The following VTCN1 variants were observed in gnomAD, a reference collection of about 807,000 sequenced individuals.
VTCN1 encodes the protein V-set domain containing T cell activation inhibitor 1.
VTCN1 carries 26 observed loss-of-function variants against 26.5 expected under a neutral mutation model. The ratio of observed to expected loss-of-function variants is 0.98; its 90% CI spans 0.72 to 1.36. VTCN1 has a LOEUF of 1.36. VTCN1 is among the 40% of genes most tolerant of loss of function. The pLI is 0.00. For synonymous variants in VTCN1, 116 were observed against 130.7 expected, an observed-to-expected ratio of 0.89 and a Z score of 0.77; for missense variants, 298 against 337.7, an observed-to-expected ratio of 0.88 and a Z score of 0.92.
chr1:117,188,148 G>A (rs1423894205), intron 1 of VTCN1, among the ~76,000 whole-genome samples: 1 of 152,182 alleles, frequency 6.6e-6, no homozygotes, highest in African/African-American at 2.4e-5. Flanking sequence ...ATGGGGTAAG[G>A]TGGGGAACAC....
At position 117,156,830 on chromosome 1, in the gene VTCN1, T is replaced by C; in HGVS notation, c.189A>G (p.Lys63=). The part of the protein sequence containing the change: ...ILSCTFEPDI[K]LSDIVIQWLK... ...GCCATTGTATCACGATATCAGAAAG[T>C]TTGATGTCAGGTTCAAAAGTGCAGC... Residue 63 remains lysine, a synonymous_variant, in exon 3 of 6, where the codon AAA becomes AAG. Transcript: ENST00000369458. 1 of 1,613,958 alleles carries C rather than the reference T, an allele frequency of 6.2e-7. No individual in the cohort carries two copies. Among genetic ancestry groups the C allele is most frequent in the Non-Finnish European group, 8.5e-7 (1 of 1,180,002 alleles).
chr1:117,152,560 G>A (rs1233230939), intron 4 of VTCN1, among the ~76,000 whole-genome samples: 1 of 152,100 alleles, frequency 6.6e-6, no homozygotes, highest in African/African-American at 2.4e-5. Flanking sequence ...TCCATCTAGG[G>A]GTTTCAGATT....
chr1:117,203,773 G>T (rs746022613), intron 1 of VTCN1: 3 of 985,414 alleles, frequency 3.0e-6, no homozygotes, highest in Non-Finnish European at 3.6e-6. Flanking sequence ...AGGAATCAGG[G>T]AGCACAGAGC....
intron 1 of VTCN1, among the ~76,000 whole-genome samples, chr1:117,208,106 A>G (rs1649187296): frequency 6.6e-6 from 1 of 152,120 alleles, no homozygotes; most frequent in South Asian, 2.1e-4. Context: ...CATCACCACA[A>G]ATCCCAGTTC....
At chr1:117,157,092 G>GAT (rs145887761) in intron 2 of VTCN1, 171 bp from the exon 3 acceptor site, 98,693 of 545,640 alleles carry the variant, frequency 0.18, 4,612 homozygotes, top group African/African-American at 0.28. Flanking sequence ...CAATCATTTT[G>GAT]ATATATATAT....
rs368770116 is a variant in VTCN1 at position 117,156,762 on chromosome 1, C to G, written c.257G>C (p.Gly86Ala). The G allele has an allele frequency of 2.5e-6, 4 of 1,613,998 alleles. No individual in the cohort carries two copies. In the South Asian group the frequency reaches 4.4e-5, roughly 18 times the overall value. Residue 86 changes from glycine (G) to alanine (A), a missense_variant, in exon 3 of 6, where the codon GGC becomes GCC. Transcript: ENST00000369458. ...ATCCTGCTCCGACAGCTCATCTTTG[C>G]CTTCTTTGAACTCATGGACCAAGCC... Reference protein sequence around the residue: ...VLGLVHEFKEGKDELSEQDEM... With the variant: ...VLGLVHEFKEAKDELSEQDEM...
At chr1:117,191,583 G>A (rs1179012491) in intron 1 of VTCN1, among the ~76,000 whole-genome samples, 3 of 152,186 alleles carry the variant, frequency 2.0e-5, no homozygotes, top group Non-Finnish European at 4.4e-5. Context: ...GGGAGTTTGA[G>A]ACCAGCCTGA....
At chr1:117,172,055 G>A (rs974266341) in intron 1 of VTCN1, among the ~76,000 whole-genome samples, 6 of 152,122 alleles carry the variant, frequency 3.9e-5, no homozygotes, top group African/African-American at 1.4e-4. Context: ...ATACATCATC[G>A]GTCAGACGTC....
intron 1 of VTCN1, among the ~76,000 whole-genome samples, chr1:117,178,139 A>G (rs1647464416): frequency 6.6e-6 from 1 of 151,746 alleles, no homozygotes; most frequent in Admixed American, 6.6e-5. Flanking sequence ...AGTTCTCACT[A>G]TGTTGCCCAG....
At chr1:117,177,766 T>C (rs1342158677) in intron 1 of VTCN1, among the ~76,000 whole-genome samples, 3 of 151,656 alleles carry the variant, frequency 2.0e-5, no homozygotes, top group Non-Finnish European at 4.4e-5. Context: ...ACTGTAAAAC[T>C]AGGGTAATAT....
At chr1:117,180,681 G>A (rs577446281) in intron 1 of VTCN1, among the ~76,000 whole-genome samples, 186 of 152,346 alleles carry the variant, frequency 1.2e-3, no homozygotes, top group Non-Finnish European at 2.0e-3. Context: ...GCACCTGGGT[G>A]GGATCTGGCT....
At chr1:117,176,613 G>A (rs751733521) in intron 1 of VTCN1, among the ~76,000 whole-genome samples, 1 of 152,186 alleles carries the variant, frequency 6.6e-6, no homozygotes, top group Non-Finnish European at 1.5e-5. Context: ...AGCTCCACTC[G>A]TGTGATTGAT....
chr1:117,199,460 G>T (rs544823459), intron 1 of VTCN1, among the ~76,000 whole-genome samples: 1 of 152,016 alleles, frequency 6.6e-6, no homozygotes, highest in Non-Finnish European at 1.5e-5. Flanking sequence ...CGAGTAGCTG[G>T]GATTGCAGAT....
intron 2 of VTCN1, among the ~76,000 whole-genome samples, chr1:117,160,349 T>A (rs867738867): frequency 6.6e-6 from 1 of 152,238 alleles, no homozygotes; most frequent in African/African-American, 2.4e-5. Flanking sequence ...TCCTGAGCAC[T>A]TCCTAACTGG....
chr1:117,187,283 C>G (rs1386282043), intron 1 of VTCN1, among the ~76,000 whole-genome samples: 2 of 120,650 alleles, frequency 1.7e-5, no homozygotes, highest in Admixed American at 1.1e-4. Context: ...GCACTCCAGC[C>G]TGGGTAACAG....
chr1:117,160,883 G>T (rs1202732034), intron 2 of VTCN1, among the ~76,000 whole-genome samples: 1 of 152,200 alleles, frequency 6.6e-6, no homozygotes, highest in African/African-American at 2.4e-5. Context: ...GAAGAGAACT[G>T]GAGAAGCTAA....
chr1:117,188,503 G>A (rs1044855175), intron 1 of VTCN1, among the ~76,000 whole-genome samples: 5 of 152,308 alleles, frequency 3.3e-5, no homozygotes, highest in South Asian at 4.1e-4. Flanking sequence ...GTTTCATCAT[G>A]TATTTCTATA....
intron 1 of VTCN1, chr1:117,172,417 T>C (rs1311860690): frequency 1.9e-6 from 1 of 518,708 alleles, no homozygotes; most frequent in Admixed American, 1.9e-5. Flanking sequence ...CACCTCAGTG[T>C]AGCCTCAGTT....
chr1:117,195,503 T>TG (rs1425536308), intron 1 of VTCN1, among the ~76,000 whole-genome samples: 2 of 151,854 alleles, frequency 1.3e-5, no homozygotes, highest in African/African-American at 4.8e-5. Flanking sequence ...AATTAAGCTG[T>TG]GGGGAAAAAA....
Sources: allele counts gnomAD v4.1 joint callset (sites outside exome capture counted in the v4.1 genomes callset), GRCh38; gene constraint gnomAD v4.1.1; transcripts MANE v1.5; gene names NCBI Gene and HGNC (gene_info 2026-07-23, HGNC 2026-07-21).